The following METTL8 variants were observed in gnomAD, a reference collection of about 807,000 sequenced individuals.
The protein encoded by METTL8 is tRNA N(3)-cytidine methyltransferase METTL8, mitochondrial.
A neutral mutation model predicts 48.7 loss-of-function variants in METTL8; 32 were observed. The observed-to-expected ratio is 0.66, with a 90% CI of 0.50 to 0.88. The LOEUF (loss-of-function observed/expected upper bound fraction) is 0.88, where lower values mean the gene tolerates loss of function less well. Among genes scored for constraint, METTL8 ranks in the 40% least tolerant of loss-of-function variants. The pLI, the probability that METTL8 is intolerant of heterozygous loss-of-function variation, is 0.00. For missense variants in METTL8, 464 were observed against 474.4 expected (o/e 0.98, Z 0.20); for synonymous variants, 136 against 157.1 (o/e 0.87, Z 1.01).
chr2:171,407,628 T>A (rs545243701), intron 1 of METTL8, among the ~76,000 whole-genome samples: 2 of 152,278 alleles, frequency 1.3e-5, no homozygotes, highest in Non-Finnish European at 1.5e-5. Flanking sequence ...TTATAATAGA[T>A]CTCCATCCCT....
chr2:171,344,606 T>G (rs1687089598), intron 3 of METTL8, among the ~76,000 whole-genome samples: 1 of 152,194 alleles, frequency 6.6e-6, no homozygotes, highest in Admixed American at 6.5e-5. Context: ...TTATAAGAAA[T>G]ATAAACCATG....
intron 9 of METTL8, among the ~76,000 whole-genome samples, chr2:171,325,141 AG>A (rs1684818922): frequency 6.6e-6 from 1 of 150,944 alleles, no homozygotes; most frequent in South Asian, 2.1e-4. Flanking sequence ...AAAAAAAAAA[AG>A]AGAAATCAGC....
intron 1 of METTL8, among the ~76,000 whole-genome samples, chr2:171,395,691 A>C (rs1370610910): frequency 2.0e-5 from 3 of 152,224 alleles, no homozygotes; most frequent in African/African-American, 7.2e-5. Context: ...AAAATAAATA[A>C]AGCAAAAAGA....
chr2:171,368,472 T>C (rs1685944027), intron 2 of METTL8, among the ~76,000 whole-genome samples: 1 of 152,172 alleles, frequency 6.6e-6, no homozygotes. Context: ...AAAATAAATT[T>C]TGTGCTTCCA....
At chr2:171,353,323 G>A (rs552793959) in intron 3 of METTL8, among the ~76,000 whole-genome samples, 49 of 152,310 alleles carry the variant, frequency 3.2e-4, no homozygotes, top group African/African-American at 1.2e-3. Flanking sequence ...TTGCACTGTG[G>A]TCTGAGCGAC....
At chr2:171,360,034 G>T (rs529494096) in intron 3 of METTL8, among the ~76,000 whole-genome samples, 1 of 152,244 alleles carries the variant, frequency 6.6e-6, no homozygotes, top group African/African-American at 2.4e-5. Context: ...TAAAACTTCA[G>T]CACCATTTTG....
At chr2:171,350,213 T>G (rs1417756270) in intron 3 of METTL8, among the ~76,000 whole-genome samples, 2 of 152,204 alleles carry the variant, frequency 1.3e-5, no homozygotes, top group African/African-American at 4.8e-5. Flanking sequence ...ATATGTGGTG[T>G]TTGCTTTTCT....
At chr2:171,357,396 T>C (rs1684701475) in intron 3 of METTL8, among the ~76,000 whole-genome samples, 1 of 151,840 alleles carries the variant, frequency 6.6e-6, no homozygotes. Flanking sequence ...CAGTGAACAA[T>C]CTGAAAAAGA....
At chr2:171,416,437 T>C (rs1474681491) in intron 1 of METTL8, among the ~76,000 whole-genome samples, 1 of 152,246 alleles carries the variant, frequency 6.6e-6, no homozygotes, top group Non-Finnish European at 1.5e-5. Context: ...AATGCCTTCC[T>C]TTATTATGCC....
chr2:171,432,035 C>A (rs1693085763), intron 1 of METTL8, among the ~76,000 whole-genome samples: 1 of 152,240 alleles, frequency 6.6e-6, no homozygotes, highest in South Asian at 2.1e-4. Flanking sequence ...CAACTCTGCA[C>A]TCACCAGCTC....
At chr2:171,340,622 A>G (rs1480612114) in intron 3 of METTL8, among the ~76,000 whole-genome samples, 3 of 152,168 alleles carry the variant, frequency 2.0e-5, no homozygotes, top group Non-Finnish European at 2.9e-5. Flanking sequence ...TACAAATACA[A>G]TTTCAGCATA....
chr2:171,325,979 G>C (rs1684911468), intron 8 of METTL8, 63 bp downstream of exon 8: 3 of 1,355,870 alleles, frequency 2.2e-6, no homozygotes, highest in Non-Finnish European at 3.1e-6. Context: ...ACTTTGATGT[G>C]AAATATAAAC....
chr2:171,368,884 T>C (rs558229652), intron 2 of METTL8, among the ~76,000 whole-genome samples: 1 of 151,864 alleles, frequency 6.6e-6, no homozygotes, highest in Non-Finnish European at 1.5e-5. Flanking sequence ...AAAATATATA[T>C]ATATGGCAGA....
At position 171,333,233 on chromosome 2, in the gene METTL8, G is replaced by A. The variant is rs552360680; in HGVS notation, c.657-1366C>T. On this transcript the variant is annotated intron_variant, in intron 5 of 9. Transcript: ENST00000375258. The stretch of plus-strand genomic sequence containing the variant: ...CCTGCCTCAGCCTCCCAAGTAGCTG[G>A]GATTACAGGCATGTGCTACCACGGC... 7.2e-5 allele frequency among the ~76,000 whole-genome samples: 11 copies of A among 151,968 alleles called. No individual in the cohort carries two copies. The East Asian group carries it at 1.9e-3, about 27-fold the overall frequency.
rs1333551273 is a variant in METTL8, at chr2:171,323,020, C to A, written c.*1152G>T. The A allele has an allele frequency of 2.0e-5, 3 of 152,122 alleles. No homozygotes were observed. Among genetic ancestry groups the A allele is most frequent in the Non-Finnish European group, 4.4e-5 (3 of 68,040 alleles). The allele number at this position is 152,122 out of a possible 1,614,324, so 9.4% of individuals were successfully genotyped here. ...CTTGGTTTTGGTGGCATTTGGCCGG[C>A]TTCTTCACTGCAACCTGTTTTATCA... On this transcript the variant is annotated 3_prime_UTR_variant, in exon 10 of 10. Transcript: ENST00000375258.
rs941664314 is a variant in METTL8 at position 171,360,378 on chromosome 2, C to T, written c.235+44G>A. On this transcript the variant is annotated intron_variant, in intron 3 of 9. Coordinates refer to ENST00000375258, the MANE Select transcript of METTL8 (RefSeq NM_001321154.2). ...CAATGACACGAGGAGGAGGAAAAGTCACTAAAGCTCTGGCTCTAGGAGCTA... is the reference window on the plus strand; with the variant it reads ...CAATGACACGAGGAGGAGGAAAAGTTACTAAAGCTCTGGCTCTAGGAGCTA... 4 of 1,549,234 alleles carry T rather than the reference C, an allele frequency of 2.6e-6. No individual in the cohort carries two copies. The African/African-American group carries it at 4.1e-5, about 16-fold the overall frequency.
intron 2 of METTL8, among the ~76,000 whole-genome samples, chr2:171,365,877 T>C (rs952018622): frequency 6.6e-6 from 1 of 152,152 alleles, no homozygotes; most frequent in African/African-American, 2.4e-5. Flanking sequence ...ACACAAAAGG[T>C]GAGTCCCCAC....
chr2:171,414,865 T>C (rs1691137419), intron 1 of METTL8: 1 of 152,190 alleles, frequency 6.6e-6, no homozygotes, highest in South Asian at 2.1e-4. Context: ...TGGTGGGAGA[T>C]AAATGAATCA....
At chr2:171,361,401 A>G (rs1685157198) in intron 2 of METTL8, among the ~76,000 whole-genome samples, 1 of 152,154 alleles carries the variant, frequency 6.6e-6, no homozygotes, top group South Asian at 2.1e-4. Flanking sequence ...TAACACTATT[A>G]TCATATGATA....
Sources: gnomAD v4.1 joint callset for allele counts (sites outside exome capture counted in the v4.1 genomes callset) on GRCh38, gnomAD v4.1.1 for gene constraint, MANE v1.5 for transcripts, NCBI Gene and HGNC (gene_info 2026-07-23, HGNC 2026-07-21) for gene names.